SAMD8: variants seen among roughly 807,000 people sequenced by gnomAD.
SAMD8 encodes the protein sphingomyelin synthase-related protein 1.
SAMD8 carries 20 observed loss-of-function variants against 42.0 expected under a neutral mutation model. That is an observed-to-expected ratio of 0.48 (90% CI 0.34 to 0.69). The LOEUF (loss-of-function observed/expected upper bound fraction) is 0.69. Among genes scored for constraint, SAMD8 ranks in the 30% least tolerant of loss-of-function variants. The pLI, the probability that SAMD8 is intolerant of heterozygous loss-of-function variation, is 0.01. For missense variants in SAMD8, 328 were observed against 511.6 expected (o/e 0.64, Z 3.46); for synonymous variants, 162 against 173.0 (o/e 0.94, Z 0.50).
intron 1 of SAMD8, among the ~76,000 whole-genome samples, chr10:75,129,489 C>T (rs1245158150): frequency 3.3e-5 from 5 of 152,146 alleles, no homozygotes; most frequent in Admixed American, 6.5e-5. Context: ...CCACCTGCTT[C>T]GGCCTCCCAA....
intron 1 of SAMD8, among the ~76,000 whole-genome samples, chr10:75,119,343 G>A (rs1480967488): frequency 6.6e-6 from 1 of 152,108 alleles, no homozygotes; most frequent in Non-Finnish European, 1.5e-5. Context: ...TTTTAGTAGA[G>A]ACGGGGTTTC....
chr10:75,102,000 C>G (rs1173403609), intron 1 of SAMD8: 1 of 1,337,010 alleles, frequency 7.5e-7, no homozygotes, highest in Admixed American at 1.9e-5. Context: ...AGCATGCTGT[C>G]TACTCCCCTC....
chr10:75,111,513 G>A, upstream of SAMD8: 10 of 1,229,886 alleles, frequency 8.1e-6, no homozygotes, highest in Non-Finnish European at 1.0e-5. Flanking sequence ...TCGGCTCCGA[G>A]CAGCTGCCGG....
At chr10:75,105,819 C>T (rs1426104356) in intron 1 of SAMD8, 3 of 1,550,936 alleles carry the variant, frequency 1.9e-6, no homozygotes, top group Non-Finnish European at 2.6e-6. Flanking sequence ...AGGCCAGGAC[C>T]AGCGTGGCAG....
At chr10:75,099,787 A>T in intron 1 of SAMD8, 1 of 197,896 alleles carries the variant, frequency 5.1e-6, no homozygotes, top group Admixed American at 6.1e-5. Context: ...ACTCTGCCAT[A>T]ACTCATTCTG....
At chr10:75,107,205 G>C (rs1231056972), upstream of SAMD8, among the ~76,000 whole-genome samples, 1 of 152,072 alleles carries the variant, frequency 6.6e-6, no homozygotes, top group Non-Finnish European at 1.5e-5. Context: ...TATGGTGGCG[G>C]ATGCCTGTAG....
intron 2 of SAMD8, among the ~76,000 whole-genome samples, chr10:75,162,276 T>G (rs1226909383): frequency 6.6e-6 from 1 of 152,182 alleles, no homozygotes; most frequent in African/African-American, 2.4e-5. Flanking sequence ...CGAGAATTGC[T>G]TGAACTCAGG....
At chr10:75,156,313 G>T (rs1384899253) in intron 2 of SAMD8, among the ~76,000 whole-genome samples, 1 of 152,144 alleles carries the variant, frequency 6.6e-6, no homozygotes. Context: ...TGGGGTGAGA[G>T]GGGAAGCTCT....
At chr10:75,159,721 C>T (rs1840512843) in intron 2 of SAMD8, among the ~76,000 whole-genome samples, 1 of 152,150 alleles carries the variant, frequency 6.6e-6, no homozygotes, top group African/African-American at 2.4e-5. Context: ...CTACACTGTC[C>T]CAAATTACCC....
At chr10:75,127,205 A>T (rs1564678372) in intron 1 of SAMD8, among the ~76,000 whole-genome samples, 1 of 151,704 alleles carries the variant, frequency 6.6e-6, no homozygotes, top group Non-Finnish European at 1.5e-5. Context: ...AAAAAAAAAA[A>T]TCTTTGTTAT....
rs751329430 is a variant in SAMD8, at chr10:75,168,616, C to T, written c.750C>T (p.Thr250=). The part of the protein sequence containing the change: ...FLLRCFTMFV[T]SLSVPGQHLQ... ...TTCGCTGCTTTACCATGTTTGTGACCTCCCTCTCCGTGCCAGGACAACACC... is the reference window on the plus strand; with the variant it reads ...TTCGCTGCTTTACCATGTTTGTGACTTCCCTCTCCGTGCCAGGACAACACC... The change falls in exon 4 of 6, where the codon ACC becomes ACT. Residue 250 remains threonine (T), a synonymous_variant. Transcript: ENST00000542569. The T allele has an allele frequency of 1.2e-6, 2 of 1,613,742 alleles. No homozygotes were observed. Among genetic ancestry groups the T allele is most frequent in the Non-Finnish European group, 1.7e-6 (2 of 1,179,724 alleles).
intron 1 of SAMD8, chr10:75,101,729 T>A: frequency 2.1e-6 from 1 of 487,242 alleles, no homozygotes. Flanking sequence ...TGTCTGCGCC[T>A]TCATCTCTGA....
In SAMD8 at chr10:75,133,259, T is replaced by A. The variant is rs201273341; in HGVS notation, c.-15-17255T>A. ...CTACAAAAAAAATACAAAAATTAGC[T>A]AGGCGTGGTGGTGCGTGCCTATAGC... On this transcript the variant is annotated intron_variant, in intron 1 of 5. Coordinates refer to ENST00000542569, the MANE Select transcript of SAMD8 (RefSeq NM_001174156.2). Among the ~76,000 whole-genome samples the A allele has an allele frequency of 5.9e-5, 9 of 151,880 alleles. No homozygotes were observed. The East Asian group carries it at 1.4e-3, about 23-fold the overall frequency.
At chr10:75,119,911 C>CA (rs943323103) in intron 1 of SAMD8, among the ~76,000 whole-genome samples, 1 of 151,924 alleles carries the variant, frequency 6.6e-6, no homozygotes, top group African/African-American at 2.4e-5. Context: ...ACTAAAAATA[C>CA]AAAAAAATTA....
At chr10:75,115,722 C>T (rs897887087) in intron 1 of SAMD8, among the ~76,000 whole-genome samples, 1 of 152,024 alleles carries the variant, frequency 6.6e-6, no homozygotes, top group African/African-American at 2.4e-5. Context: ...GGGCGGATCA[C>T]GAGGCCAGGA....
intron 1 of SAMD8, among the ~76,000 whole-genome samples, chr10:75,119,404 G>T (rs992045983): frequency 6.6e-6 from 1 of 152,092 alleles, no homozygotes; most frequent in Non-Finnish European, 1.5e-5. Flanking sequence ...TGACCTGCCC[G>T]CCTTGGCTTC....
upstream of SAMD8, chr10:75,108,052 T>A: frequency 1.2e-6 from 2 of 1,613,892 alleles, no homozygotes; most frequent in Middle Eastern, 1.7e-4. Context: ...TAGGCACTGA[T>A]GTCAAAATCA....
upstream of SAMD8, among the ~76,000 whole-genome samples, chr10:75,108,599 G>A (rs536379180): frequency 2.8e-4 from 42 of 152,180 alleles, no homozygotes; most frequent in African/African-American, 8.9e-4. Flanking sequence ...CAAATGTTTA[G>A]AGGCAACACC....
upstream of SAMD8, among the ~76,000 whole-genome samples, chr10:75,106,971 C>G (rs1848555239): frequency 6.6e-6 from 1 of 152,230 alleles, no homozygotes; most frequent in African/African-American, 2.4e-5. Context: ...GACACAAAGC[C>G]AGGACACCAG....
Sources: allele counts gnomAD v4.1 joint callset (sites outside exome capture counted in the v4.1 genomes callset), GRCh38; gene constraint gnomAD v4.1.1; transcripts MANE v1.5; gene names NCBI Gene and HGNC (gene_info 2026-07-23, HGNC 2026-07-21).